OGDH: variants seen among roughly 807,000 people sequenced by gnomAD.
OGDH encodes 2-oxoglutarate dehydrogenase complex component E1.
In OGDH, 38 loss-of-function variants were observed where a neutral mutation model predicts 116.6. The ratio of observed to expected loss-of-function variants is 0.33; its 90% CI spans 0.25 to 0.43. The LOEUF is 0.43. OGDH is among the 20% of genes least tolerant of loss of function. The pLI is 1.00. For synonymous variants in OGDH, 488 were observed against 533.3 expected (o/e 0.92, Z 1.17); for missense variants, 825 against 1,357.2 (o/e 0.61, Z 6.16).
At chr7:44,693,709 A>T in intron 10 of OGDH, 116 bp from the exon 11 acceptor site, 1 of 748,988 alleles carries the variant, frequency 1.3e-6, no homozygotes, top group Non-Finnish European at 2.0e-6. Context: ...ATTTTGGGGT[A>T]CGTACTCAGA....
At chr7:44,616,870 TAC>T (rs1784822849) in intron 1 of OGDH, among the ~76,000 whole-genome samples, 1 of 88,090 alleles carries the variant, frequency 1.1e-5, no homozygotes, top group Non-Finnish European at 2.4e-5. Context: ...CATATATATA[TAC>T]GTATATATAT....
chr7:44,657,773 A>T (rs1786758338), intron 4 of OGDH, among the ~76,000 whole-genome samples: 1 of 152,222 alleles, frequency 6.6e-6, no homozygotes, highest in African/African-American at 2.4e-5. Context: ...TGTTTTACAT[A>T]TAAATCTATC....
intron 1 of OGDH, among the ~76,000 whole-genome samples, chr7:44,620,029 GT>G (rs1784948832): frequency 6.6e-6 from 1 of 151,798 alleles, no homozygotes; most frequent in African/African-American, 2.4e-5. Context: ...TTTTTGTTTT[GT>G]TTTGTTTTGA....
chr7:44,673,985 A>G lies in OGDH; in HGVS notation c.788+44A>G, dbSNP rs756440282. 84 of 1,611,246 alleles carry G rather than the reference A, an allele frequency of 5.2e-5. 1 individual carries two copies. Among genetic ancestry groups the G allele is most frequent in the Non-Finnish European group, 6.2e-5 (73 of 1,177,870 alleles). On this transcript the variant is annotated intron_variant, in intron 6 of 22. Coordinates refer to ENST00000222673, the MANE Select transcript of OGDH (RefSeq NM_002541.4). ...GCCATGGGGCAGACATTCCCAGGGAAGCAGTGACCCTGTCTGTGTTGATCG... is the reference window on the plus strand; with the variant it reads ...GCCATGGGGCAGACATTCCCAGGGAGGCAGTGACCCTGTCTGTGTTGATCG...
rs566874527 is a variant in OGDH, at chr7:44,703,496, G to A, written c.2632+1881G>A. Among the ~76,000 whole-genome samples, 4 of 152,102 alleles carry A rather than the reference G, an allele frequency of 2.6e-5. No individual in the cohort carries two copies. In the South Asian group the frequency reaches 8.3e-4, roughly 32 times the overall value. ...GCACTTTGGGAGGCTGAGGCAGGTC[G>A]ATCACTTGAGGTCACGAATTTGAGA... is the stretch of plus-strand genomic sequence containing the variant. On this transcript the variant is annotated intron_variant, in intron 20 of 22. Transcript: ENST00000222673.
At chr7:44,673,300 A>G in intron 5 of OGDH, among the ~76,000 whole-genome samples, 1 of 152,206 alleles carries the variant, frequency 6.6e-6, no homozygotes. Context: ...CCTCGATGAC[A>G]GAGACCCTGC....
chr7:44,683,568 C>A (rs1056242075), intron 10 of OGDH, among the ~76,000 whole-genome samples: 2 of 152,146 alleles, frequency 1.3e-5, no homozygotes, highest in African/African-American at 4.8e-5. Flanking sequence ...ATACAGATGG[C>A]CTGTGCATGG....
chr7:44,669,243 C>G (rs1404210932), intron 5 of OGDH, among the ~76,000 whole-genome samples: 1 of 150,174 alleles, frequency 6.7e-6, no homozygotes, highest in African/African-American at 2.5e-5. Flanking sequence ...GCCTCAACCT[C>G]TGGGATTAAC....
rs1327385274 is a variant in OGDH at position 44,694,387 on chromosome 7, G to T, written c.1516-37G>T. 6.2e-7 allele frequency: 1 copy of T among 1,610,044 alleles called. No individual in the cohort carries two copies. The highest frequency in any genetic ancestry group is 1.3e-5 in the African/African-American group (1 of 74,818). The stretch of plus-strand genomic sequence containing the variant: ...AACAGCACTTCTTCCCAAGGGGCCA[G>T]CCCTTGTCTCTGACATCCTCTCACT... On this transcript the variant is annotated intron_variant, in intron 11 of 22. Coordinates refer to ENST00000222673, the MANE Select transcript of OGDH (RefSeq NM_002541.4). This position sits in a 1 kb window ranked among gnomAD's most constrained non-coding sequence, Gnocchi z 4.2.
intron 2 of OGDH, among the ~76,000 whole-genome samples, chr7:44,628,611 A>T (rs887126600): frequency 6.6e-6 from 1 of 151,688 alleles, no homozygotes; most frequent in Non-Finnish European, 1.5e-5. Context: ...AAAGCTTTTT[A>T]AAAAAATAAA....
At chr7:44,607,949 G>A (rs920328456) in intron 1 of OGDH, among the ~76,000 whole-genome samples, 1 of 152,050 alleles carries the variant, frequency 6.6e-6, no homozygotes, top group African/African-American at 2.4e-5. Context: ...TGATCCGCCC[G>A]CCTCGGCCCC....
intron 1 of OGDH, among the ~76,000 whole-genome samples, chr7:44,611,923 T>C: frequency 6.6e-6 from 1 of 152,112 alleles, no homozygotes; most frequent in East Asian, 1.9e-4. Flanking sequence ...GTTTTAATGT[T>C]TTTTTTTATT....
In OGDH at chr7:44,674,502, A is replaced by G. The variant is rs759634619; in HGVS notation, c.880A>G (p.Ile294Val). 6.2e-6 allele frequency: 10 copies of G among 1,614,070 alleles called. No individual in the cohort carries two copies. The highest frequency in any genetic ancestry group is 5.0e-5 in the Admixed American group (3 of 59,996). The change falls in exon 7 of 23, where the codon ATT becomes GTT. Residue 294 changes from isoleucine (I) to valine (V), a missense_variant. Coordinates refer to ENST00000222673, the MANE Select transcript of OGDH (RefSeq NM_002541.4). ...EVLIPALKTI[I>V]DKSSENGVDY... ...ACTGATCCCTGCCCTCAAGACCATC[A>G]TTGACAAGTCTAGTGAGAATGGCGT...
chr7:44,696,915 G>A lies in OGDH; in HGVS notation c.1902G>A (p.Gly634=). 6.2e-7 allele frequency: 1 copy of A among 1,608,240 alleles called. No individual in the cohort carries two copies. The highest frequency in any genetic ancestry group is 8.5e-7 in the Non-Finnish European group (1 of 1,176,788). The change falls in exon 15 of 23, where the codon GGG becomes GGA. Residue 634 remains glycine (G), a splice_region_variant and synonymous_variant. Coordinates refer to ENST00000222673, the MANE Select transcript of OGDH (RefSeq NM_002541.4). The stretch of plus-strand genomic sequence containing the variant: ...CTGGTGAGAGCTGTGTCTCTGCAGG[G>A]CTGAGCCGGATCTTGAAGACTCGTG... ...VPVENFTIHG[G]LSRILKTRGE...
chr7:44,703,597 G>C (rs147704234), intron 20 of OGDH, among the ~76,000 whole-genome samples: 1 of 151,864 alleles, frequency 6.6e-6, no homozygotes, highest in Non-Finnish European at 1.5e-5. Context: ...GCGCGCACCC[G>C]TAATCCCAGC....
At chr7:44,636,324 C>T (rs949034929) in intron 2 of OGDH, among the ~76,000 whole-genome samples, 1 of 152,262 alleles carries the variant, frequency 6.6e-6, no homozygotes, top group Non-Finnish European at 1.5e-5. Context: ...GGAAACCTCA[C>T]AACCAAGGAC....
At chr7:44,701,225 G>C (rs568745735) in intron 19 of OGDH, among the ~76,000 whole-genome samples, 1 of 152,280 alleles carries the variant, frequency 6.6e-6, no homozygotes, top group African/African-American at 2.4e-5. Context: ...GGGTGCATTT[G>C]CTCTGAGACT....
intron 2 of OGDH, among the ~76,000 whole-genome samples, chr7:44,633,878 GT>G (rs765179597): frequency 3.3e-5 from 5 of 152,242 alleles, no homozygotes; most frequent in Admixed American, 6.5e-5. Flanking sequence ...GATCTGGGTA[GT>G]TTGAAGCGTT....
intron 2 of OGDH, among the ~76,000 whole-genome samples, chr7:44,642,509 G>A (rs1032011620): frequency 2.0e-5 from 3 of 152,194 alleles, no homozygotes; most frequent in African/African-American, 7.2e-5. Flanking sequence ...AGATGCTTCT[G>A]TAATAGGTTT....
Sources: allele counts gnomAD v4.1 joint callset (sites outside exome capture counted in the v4.1 genomes callset), GRCh38; gene constraint gnomAD v4.1.1; non-coding constraint Gnocchi (gnomAD v3.1); transcripts MANE v1.5; gene names NCBI Gene and HGNC (gene_info 2026-07-23, HGNC 2026-07-21).